The following VPS13B variants were observed in gnomAD, a reference collection of about 807,000 sequenced individuals.
VPS13B encodes the protein vacuolar protein sorting 13 homolog B, also known as intermembrane lipid transfer protein VPS13B.
VPS13B carries 285 observed loss-of-function variants against 426.4 expected under a neutral mutation model. That is an observed-to-expected ratio of 0.67 (90% CI 0.61 to 0.74). The LOEUF is 0.74. Among genes scored for constraint, VPS13B ranks in the 30% least tolerant of loss-of-function variants. VPS13B has a pLI of 0.00. For synonymous variants in VPS13B, 1,676 were observed against 1,676.4 expected, an observed-to-expected ratio of 1.00 and a Z score of 0.01; for missense variants, 4,537 against 4,782.6, an observed-to-expected ratio of 0.95 and a Z score of 1.51.
At chr8:99,097,367 A>G (rs1846484323) in intron 4 of VPS13B, among the ~76,000 whole-genome samples, 2 of 152,162 alleles carry the variant, frequency 1.3e-5, no homozygotes, top group Admixed American at 1.3e-4. Context: ...TGTTTAGTGG[A>G]GACAGGCTGT....
At chr8:99,169,044 A>C (rs942228625) in intron 15 of VPS13B, among the ~76,000 whole-genome samples, 5 of 151,976 alleles carry the variant, frequency 3.3e-5, no homozygotes, top group Admixed American at 1.3e-4. Flanking sequence ...TATGCTCATT[A>C]AATAGTATTT....
At chr8:99,691,377 G>A (rs1353689841) in intron 35 of VPS13B, among the ~76,000 whole-genome samples, 1 of 152,056 alleles carries the variant, frequency 6.6e-6, no homozygotes, top group Non-Finnish European at 1.5e-5. Flanking sequence ...TTTGTGGCAT[G>A]TGAGTTATAT....
rs1490561096 is a variant in VPS13B at position 99,121,337 on chromosome 8, T to C, written c.1098T>C (p.Phe366=). 1 of 1,614,184 alleles carries C rather than the reference T, an allele frequency of 6.2e-7. No homozygotes were observed. Among genetic ancestry groups the C allele is most frequent in the Non-Finnish European group, 8.5e-7 (1 of 1,180,032 alleles). ...IVSYDDGEED[F]VGNDPASTMH... ...GTTATGACGATGGCGAGGAAGACTTTGTTGGGAACGATCCTGCATCAACCA... is the reference window on the plus strand; with the variant it reads ...GTTATGACGATGGCGAGGAAGACTTCGTTGGGAACGATCCTGCATCAACCA... The change falls in exon 8 of 62, where the codon TTT becomes TTC. Residue 366 remains phenylalanine, a synonymous_variant. Transcript: ENST00000357162.
intron 33 of VPS13B, among the ~76,000 whole-genome samples, chr8:99,579,368 A>T (rs1344110677): frequency 6.6e-6 from 1 of 152,166 alleles, no homozygotes; most frequent in African/African-American, 2.4e-5. Flanking sequence ...GATTGCCTTT[A>T]GTGTGGTTTC....
chr8:99,723,793 C>T (rs1235039425), intron 39 of VPS13B, among the ~76,000 whole-genome samples: 1 of 152,244 alleles, frequency 6.6e-6, no homozygotes, highest in Non-Finnish European at 1.5e-5. Flanking sequence ...AAATGAAGAT[C>T]CTATATGTGG....
intron 12 of VPS13B, among the ~76,000 whole-genome samples, chr8:99,142,069 C>G (rs1291418838): frequency 6.6e-6 from 1 of 151,752 alleles, no homozygotes; most frequent in African/African-American, 2.4e-5. Context: ...AAATAAAAAT[C>G]AATCAATCAA....
intron 19 of VPS13B, among the ~76,000 whole-genome samples, chr8:99,280,742 T>C (rs913995084): frequency 3.3e-5 from 5 of 152,210 alleles, no homozygotes; most frequent in African/African-American, 7.2e-5. Flanking sequence ...AGATTATTTA[T>C]TCACTGGACT....
At chr8:99,131,089 C>T (rs1277112344) in intron 8 of VPS13B, among the ~76,000 whole-genome samples, 1 of 152,108 alleles carries the variant, frequency 6.6e-6, no homozygotes, top group Non-Finnish European at 1.5e-5. Context: ...AAATAATTGG[C>T]AAACACATGC....
rs1268442597 is a variant in VPS13B at position 99,253,900 on chromosome 8, CT to C, written c.2516-20293del. On this transcript the variant is annotated intron_variant, in intron 17 of 61. Transcript: ENST00000357162. ...GTAATTTTAAGTGTATCTCATCAAG[CT>C]TTTTAATGATTGTTTTAGGTATTAT... is the stretch of plus-strand genomic sequence containing the variant. 7.9e-5 allele frequency among the ~76,000 whole-genome samples: 12 copies of C among 152,206 alleles called. No individual in the cohort carries two copies. In the South Asian group the frequency reaches 2.3e-3, roughly 29 times the overall value.
At chr8:99,697,712 G>A in intron 35 of VPS13B, 1 of 630,658 alleles carries the variant, frequency 1.6e-6, no homozygotes. Context: ...ATGGACCAGG[G>A]CCTGCAAGCT....
At chr8:99,494,254 T>C (rs543116239) in intron 25 of VPS13B, among the ~76,000 whole-genome samples, 8 of 152,238 alleles carry the variant, frequency 5.3e-5, no homozygotes, top group African/African-American at 1.9e-4. Context: ...GTCTCCAGTA[T>C]TTTTTCATCT....
chr8:99,832,734 G>A, intron 52 of VPS13B, 82 bp downstream of exon 52: 1 of 1,409,120 alleles, frequency 7.1e-7, no homozygotes, highest in South Asian at 1.2e-5. Flanking sequence ...AGATACAATG[G>A]TCGCAGGGCT....
chr8:99,348,522 A>C (rs1811671229), intron 19 of VPS13B, among the ~76,000 whole-genome samples: 1 of 152,236 alleles, frequency 6.6e-6, no homozygotes, highest in African/African-American at 2.4e-5. Flanking sequence ...CATCATGGAC[A>C]TAAATTAGAT....
intron 17 of VPS13B, among the ~76,000 whole-genome samples, chr8:99,193,633 T>C (rs1342547585): frequency 3.3e-5 from 5 of 152,170 alleles, no homozygotes; most frequent in Admixed American, 1.3e-4. Context: ...AATAATGTTA[T>C]GTTTGTCAGT....
chr8:99,443,574 T>C (rs867093960), intron 23 of VPS13B, among the ~76,000 whole-genome samples: 1 of 152,296 alleles, frequency 6.6e-6, no homozygotes, highest in Middle Eastern at 3.4e-3. Context: ...AGGGAATGTT[T>C]TTAGAGTATA....
intron 34 of VPS13B, among the ~76,000 whole-genome samples, chr8:99,653,757 C>A (rs774666885): frequency 6.6e-6 from 1 of 152,048 alleles, no homozygotes; most frequent in Non-Finnish European, 1.5e-5. Flanking sequence ...CATTGATGGT[C>A]AAACATTCCA....
intron 19 of VPS13B, among the ~76,000 whole-genome samples, chr8:99,295,157 C>T (rs1184253540): frequency 1.3e-5 from 2 of 151,970 alleles, no homozygotes; most frequent in African/African-American, 4.8e-5. Flanking sequence ...TAAAAATTGT[C>T]TCTTGGTACT....
intron 17 of VPS13B, chr8:99,233,312 G>A: frequency 9.0e-7 from 1 of 1,112,382 alleles, no homozygotes; most frequent in Non-Finnish European, 1.4e-6. Flanking sequence ...ACTCTGATAT[G>A]GGCTTCCAGC....
intron 54 of VPS13B, 108 bp from the exon 55 acceptor site, chr8:99,848,668 C>A: frequency 1.0e-6 from 1 of 1,003,352 alleles, no homozygotes; most frequent in Non-Finnish European, 1.6e-6. Context: ...GAAATATAAC[C>A]AGGAATTGTT....
Sources: allele counts gnomAD v4.1 joint callset (sites outside exome capture counted in the v4.1 genomes callset), GRCh38; gene constraint gnomAD v4.1.1; transcripts MANE v1.5; gene names NCBI Gene and HGNC (gene_info 2026-07-23, HGNC 2026-07-21).